The following ZFAND3 variants were observed in gnomAD, a reference collection of about 807,000 sequenced individuals.
ZFAND3 encodes zinc finger AN1-type containing 3, also known as AN1-type zinc finger protein 3.
Under a neutral mutation model 29.6 loss-of-function variants are expected in ZFAND3, and 10 were observed. The ratio of observed to expected loss-of-function variants is 0.34; its 90% CI spans 0.21 to 0.57. ZFAND3 has a LOEUF of 0.57. Ranked by LOEUF, ZFAND3 falls within the 20% of genes least tolerant of loss-of-function variation. The pLI, the probability that ZFAND3 is intolerant of heterozygous loss-of-function variation, is 0.86. For missense variants in ZFAND3, 230 were observed against 304.5 expected, an observed-to-expected ratio of 0.76 and a Z score of 1.82; for synonymous variants, 128 against 112.6, an observed-to-expected ratio of 1.14 and a Z score of -0.87.
At chr6:37,878,616 A>G (rs1439884782) in intron 1 of ZFAND3, among the ~76,000 whole-genome samples, 1 of 152,228 alleles carries the variant, frequency 6.6e-6, no homozygotes, top group Non-Finnish European at 1.5e-5. Flanking sequence ...TGGCAGCTAC[A>G]GCCTCCTCCT....
At chr6:38,138,775 A>T (rs575218891) in intron 5 of ZFAND3, among the ~76,000 whole-genome samples, 3 of 152,252 alleles carry the variant, frequency 2.0e-5, no homozygotes, top group Non-Finnish European at 4.4e-5. Flanking sequence ...ACACTGAGGC[A>T]GAGAAGATGA....
intron 5 of ZFAND3, among the ~76,000 whole-genome samples, chr6:38,133,435 T>A (rs546664584): frequency 6.6e-6 from 1 of 152,174 alleles, no homozygotes; most frequent in Non-Finnish European, 1.5e-5. Context: ...ACTTGAGTTA[T>A]ATCATTTGAC....
intron 5 of ZFAND3, among the ~76,000 whole-genome samples, chr6:38,131,732 C>T (rs1765746291): frequency 6.6e-6 from 1 of 152,196 alleles, no homozygotes; most frequent in Non-Finnish European, 1.5e-5. Flanking sequence ...TCCCACAGCC[C>T]CTATTGGAGT....
At chr6:38,136,998 T>C (rs1408204894) in intron 5 of ZFAND3, among the ~76,000 whole-genome samples, 1 of 152,242 alleles carries the variant, frequency 6.6e-6, no homozygotes, top group African/African-American at 2.4e-5. Context: ...CCATGGAATC[T>C]GGAGTAACTG....
intron 1 of ZFAND3, among the ~76,000 whole-genome samples, chr6:37,874,917 A>T (rs1227794735): frequency 6.6e-6 from 1 of 152,154 alleles, no homozygotes; most frequent in Non-Finnish European, 1.5e-5. Context: ...AATATGGCTA[A>T]AGGGCTAGAC....
At chr6:37,825,346 G>A (rs993789534) in intron 1 of ZFAND3, among the ~76,000 whole-genome samples, 2 of 152,186 alleles carry the variant, frequency 1.3e-5, no homozygotes, top group Admixed American at 6.5e-5. Flanking sequence ...ATGCTTGCTT[G>A]TGGAGTTTTA....
At chr6:37,934,205 C>T (rs1334906433) in intron 2 of ZFAND3, among the ~76,000 whole-genome samples, 2 of 147,528 alleles carry the variant, frequency 1.4e-5, no homozygotes, top group African/African-American at 5.0e-5. Context: ...TTTTTTGAGA[C>T]GGAATCTGGC....
chr6:38,020,381 TG>T (rs1763326893), intron 2 of ZFAND3, among the ~76,000 whole-genome samples: 1 of 152,072 alleles, frequency 6.6e-6, no homozygotes, highest in Admixed American at 6.5e-5. Flanking sequence ...AATCACTTGG[TG>T]GTTAAAAAAA....
intron 2 of ZFAND3, among the ~76,000 whole-genome samples, chr6:38,007,484 A>G (rs944190486): frequency 3.9e-5 from 6 of 152,120 alleles, no homozygotes; most frequent in Admixed American, 3.9e-4. Flanking sequence ...GGTCGAGGCC[A>G]CAGTGAGCTA....
chr6:37,838,293 A>C lies in ZFAND3; in HGVS notation c.71+18277A>C, dbSNP rs544797813. Among the ~76,000 whole-genome samples, 41 of 152,200 alleles carry C rather than the reference A, an allele frequency of 2.7e-4. No individual in the cohort carries two copies. In the South Asian group the frequency reaches 8.3e-3, roughly 31 times the overall value. The stretch of plus-strand genomic sequence containing the variant: ...TGTTCCTCAAATTTTTTTTTGCTTA[A>C]TTTAAAAAATATTGAGATATAATTC... On this transcript the variant is annotated intron_variant, in intron 1 of 5. Transcript: ENST00000287218.
At chr6:37,827,550 G>T (rs1763782333) in intron 1 of ZFAND3, among the ~76,000 whole-genome samples, 1 of 152,180 alleles carries the variant, frequency 6.6e-6, no homozygotes, top group East Asian at 1.9e-4. Flanking sequence ...GTAAATTCAG[G>T]TTACCATATA....
rs1183893525 is a variant in ZFAND3 at position 38,117,738 on chromosome 6, A to G, written c.529+999A>G. Reference sequence around the variant, plus strand: ...CAGCCGAAGATATCCTACAAGTACTATTGCTGACAGTCAGGACTAAATAGT... The same window carrying G: ...CAGCCGAAGATATCCTACAAGTACTGTTGCTGACAGTCAGGACTAAATAGT... On this transcript the variant is annotated intron_variant, in intron 5 of 5. Transcript: ENST00000287218. 9.9e-5 allele frequency among the ~76,000 whole-genome samples: 15 copies of G among 152,202 alleles called. No homozygotes were observed. In the East Asian group the frequency reaches 1.9e-3, roughly 20 times the overall value.
At chr6:37,890,129 G>C (rs529993665) in intron 1 of ZFAND3, among the ~76,000 whole-genome samples, 15 of 152,148 alleles carry the variant, frequency 9.9e-5, no homozygotes, top group Non-Finnish European at 1.9e-4. Flanking sequence ...TTCCTTCTCT[G>C]TTCATATCCT....
rs574013965 is a variant in ZFAND3 at position 38,006,636 on chromosome 6, T to A, written c.113-54957T>A. 7.4e-5 allele frequency among the ~76,000 whole-genome samples: 11 copies of A among 147,966 alleles called. No homozygotes were observed. The South Asian group carries it at 2.4e-3, about 32-fold the overall frequency. ...GTGTAACACTGCCATGTGCTAAGCCTACGGAGGTGAGGAAGAGGGTTTTTT... is the reference window on the plus strand; with the variant it reads ...GTGTAACACTGCCATGTGCTAAGCCAACGGAGGTGAGGAAGAGGGTTTTTT... On this transcript the variant is annotated intron_variant, in intron 2 of 5. Transcript: ENST00000287218.
chr6:38,039,404 C>G (rs1157793157), intron 2 of ZFAND3, among the ~76,000 whole-genome samples: 1 of 152,126 alleles, frequency 6.6e-6, no homozygotes, highest in Non-Finnish European at 1.5e-5. Flanking sequence ...CCACTTTCTT[C>G]CTCTTTAACC....
At chr6:37,979,996 C>T (rs1235114238) in intron 2 of ZFAND3, among the ~76,000 whole-genome samples, 1 of 152,164 alleles carries the variant, frequency 6.6e-6, no homozygotes, top group African/African-American at 2.4e-5. Flanking sequence ...CTGCACCCTT[C>T]GGAGCTGCAG....
intron 2 of ZFAND3, among the ~76,000 whole-genome samples, chr6:37,936,684 A>G (rs1188092272): frequency 1.3e-5 from 2 of 152,116 alleles, no homozygotes; most frequent in African/African-American, 4.8e-5. Flanking sequence ...GTCTCAGAGT[A>G]AGAGTAATTG....
At chr6:37,837,011 T>G (rs1344922929) in intron 1 of ZFAND3, among the ~76,000 whole-genome samples, 1 of 152,246 alleles carries the variant, frequency 6.6e-6, no homozygotes, top group Non-Finnish European at 1.5e-5. Context: ...GTATGTTATG[T>G]CTTTTTGAAG....
intron 5 of ZFAND3, among the ~76,000 whole-genome samples, chr6:38,121,446 G>C (rs1765532122): frequency 6.6e-6 from 1 of 152,168 alleles, no homozygotes; most frequent in African/African-American, 2.4e-5. Flanking sequence ...TTTACCTGGA[G>C]GGCATGTTAA....
Sources: allele counts gnomAD v4.1 joint callset (sites outside exome capture counted in the v4.1 genomes callset), GRCh38; gene constraint gnomAD v4.1.1; transcripts MANE v1.5; gene names NCBI Gene and HGNC (gene_info 2026-07-23, HGNC 2026-07-21).